ZNF248: variants seen among roughly 807,000 people sequenced by gnomAD.
The protein encoded by ZNF248 is KRAB protein domain.
Under a neutral mutation model 44.3 loss-of-function variants are expected in ZNF248, and 20 were observed. That is an observed-to-expected ratio of 0.45 (90% CI 0.32 to 0.66). The LOEUF is 0.66. Among genes scored for constraint, ZNF248 ranks in the 30% least tolerant of loss-of-function variants. The pLI, the probability that ZNF248 is intolerant of heterozygous loss-of-function variation, is 0.04. For missense variants in ZNF248, 654 were observed against 677.0 expected, an observed-to-expected ratio of 0.97 and a Z score of 0.38; for synonymous variants, 224 against 229.0, an observed-to-expected ratio of 0.98 and a Z score of 0.20.
intron 3 of ZNF248, among the ~76,000 whole-genome samples, chr10:37,854,073 A>C (rs563861582): frequency 6.6e-6 from 1 of 152,370 alleles, no homozygotes; most frequent in South Asian, 2.1e-4. Context: ...GTAGTAATTT[A>C]ATTAAGTTTC....
chr10:37,807,523 A>T (rs1341045737), intron 6 of ZNF248, among the ~76,000 whole-genome samples: 1 of 152,212 alleles, frequency 6.6e-6, no homozygotes, highest in Non-Finnish European at 1.5e-5. Flanking sequence ...AGTGCTATAT[A>T]GTATCTTAAC....
At position 37,856,475 on chromosome 10, in the gene ZNF248, G is replaced by A; in HGVS notation, c.-68C>T. The A allele has an allele frequency of 2.3e-6, 3 of 1,303,632 alleles. No homozygotes were observed. The highest frequency in any genetic ancestry group is 2.9e-6 in the Non-Finnish European group (3 of 1,022,116). The allele number at this position is 1,303,632 out of a possible 1,614,324, so 80.8% of individuals were successfully genotyped here. A position where few individuals can be genotyped will look rare whatever the true frequency, so the allele number is the denominator to read the frequency against. On this transcript the variant is annotated 5_prime_UTR_variant, in exon 2 of 6. Coordinates refer to ENST00000395867, the MANE Select transcript of ZNF248 (RefSeq NM_021045.3). ...TCCGATATATGCTGAGCTCAGACATGACACTTTTCACTGAGTGAATGTAAA... is the reference window on the plus strand; with the variant it reads ...TCCGATATATGCTGAGCTCAGACATAACACTTTTCACTGAGTGAATGTAAA...
chr10:37,783,059 T>C (rs2047498564), intron 6 of ZNF248, among the ~76,000 whole-genome samples: 1 of 152,124 alleles, frequency 6.6e-6, no homozygotes, highest in African/African-American at 2.4e-5. Flanking sequence ...ACTACCAGCA[T>C]TGACTGTGCT....
chr10:37,789,992 T>G (rs1010925391), intron 6 of ZNF248, among the ~76,000 whole-genome samples: 2 of 151,862 alleles, frequency 1.3e-5, no homozygotes, highest in African/African-American at 4.8e-5. Context: ...CCGGGCGCCA[T>G]GGCTCATGCC....
At chr10:37,781,730 A>G (rs1345051792) in intron 6 of ZNF248, among the ~76,000 whole-genome samples, 2 of 152,208 alleles carry the variant, frequency 1.3e-5, no homozygotes, top group African/African-American at 2.4e-5. Flanking sequence ...TAGTTTGTAC[A>G]TTGACCAGGC....
At position 37,829,108 on chromosome 10, in the gene ZNF248, C is replaced by G. The variant is rs2054925151; in HGVS notation, c.*2507G>C. ...ACCCTTCTCTGTGCCCACCTGGGCTCTCCAGCAGATGTATCTGGTTGGTTT... is the reference window on the plus strand; with the variant it reads ...ACCCTTCTCTGTGCCCACCTGGGCTGTCCAGCAGATGTATCTGGTTGGTTT... On this transcript the variant is annotated 3_prime_UTR_variant, in exon 6 of 6. Coordinates refer to ENST00000395867, the MANE Select transcript of ZNF248 (RefSeq NM_021045.3). 1.0e-6 allele frequency: 1 copy of G among 985,492 alleles called. No individual in the cohort carries two copies. The highest frequency in any genetic ancestry group is 1.2e-6 in the Non-Finnish European group (1 of 829,960). The allele number at this position is 985,492 out of a possible 1,614,324, so 61.0% of individuals were successfully genotyped here. A position where few individuals can be genotyped will look rare whatever the true frequency, so the allele number is the denominator to read the frequency against.
At chr10:37,772,615 C>T (rs139466796), downstream of ZNF248, among the ~76,000 whole-genome samples, 3 of 152,258 alleles carry the variant, frequency 2.0e-5, no homozygotes, top group East Asian at 3.9e-4. Context: ...AAAGATTTTG[C>T]TTTAAGGCAA....
chr10:37,849,483 G>T (rs968640643), intron 3 of ZNF248, among the ~76,000 whole-genome samples: 1 of 151,992 alleles, frequency 6.6e-6, no homozygotes, highest in Non-Finnish European at 1.5e-5. Context: ...AGGAGTTCAA[G>T]GCCAGCCTGG....
At chr10:37,843,285 C>T (rs995429058) in intron 3 of ZNF248, among the ~76,000 whole-genome samples, 2 of 151,874 alleles carry the variant, frequency 1.3e-5, no homozygotes, top group South Asian at 2.1e-4. Context: ...ATTAGCTGGG[C>T]GTGGTGGCGC....
At position 37,832,989 on chromosome 10, in the gene ZNF248, A is replaced by T. The variant is rs1218827537; in HGVS notation, c.366T>A (p.Thr122=). 4 of 1,613,804 alleles carry T rather than the reference A, an allele frequency of 2.5e-6. No homozygotes were observed. In the Admixed American group the frequency reaches 6.7e-5, roughly 27 times the overall value. Residue 122 remains threonine (T), a synonymous_variant, in exon 6 of 6, where the codon ACT becomes ACA. Transcript: ENST00000395867. The part of the protein sequence containing the change: ...SVENGDRGSK[T]FNLGTDPVSL... Reference sequence around the variant, plus strand: ...AAACAGGGTCTGTGCCCAAATTGAAAGTTTTGCTTCCTCTATCTCCATTTT... The same window carrying T: ...AAACAGGGTCTGTGCCCAAATTGAATGTTTTGCTTCCTCTATCTCCATTTT...
At chr10:37,800,912 C>A (rs947155203) in intron 6 of ZNF248, among the ~76,000 whole-genome samples, 20 of 152,062 alleles carry the variant, frequency 1.3e-4, no homozygotes, top group Middle Eastern at 3.4e-3. Context: ...CAGGCATCTG[C>A]CACTACACCC....
chr10:37,829,051 A>G lies in ZNF248; in HGVS notation c.*2564T>C. 1.0e-6 allele frequency: 1 copy of G among 985,456 alleles called. No individual in the cohort carries two copies. Among genetic ancestry groups the G allele is most frequent in the African/African-American group, 1.7e-5 (1 of 57,364 alleles). The allele number at this position is 985,456 out of a possible 1,614,324, so 61.0% of individuals were successfully genotyped here. On this transcript the variant is annotated 3_prime_UTR_variant, in exon 6 of 6. Transcript: ENST00000395867. ...AGAAATGAATAACACTGTGCTGCTT[A>G]TTCTCCATTTCTCTTCCCAGATTCT...
In ZNF248 at chr10:37,832,919, T is replaced by A. The variant is rs770158951; in HGVS notation, c.436A>T (p.Asn146Tyr). 4.3e-6 allele frequency: 7 copies of A among 1,613,092 alleles called. No individual in the cohort carries two copies. The Admixed American group carries it at 1.0e-4, about 23-fold the overall frequency. The change falls in exon 6 of 6, where the codon AAT (asparagine) becomes TAT (tyrosine). Residue 146 changes from asparagine to tyrosine, a missense_variant. By Grantham distance (143) the Asn-to-Tyr change is moderately radical. Transcript: ENST00000395867. ...PYKICDSCEM[N>Y]LKNISGLIIS... is the part of the protein sequence containing the mutation. ...ATTAAGCCCGAAATATTTTTCAAATTCATTTCACATGAGTCACATATTTTA... is the reference window on the plus strand; with the variant it reads ...ATTAAGCCCGAAATATTTTTCAAATACATTTCACATGAGTCACATATTTTA...
chr10:37,785,071 G>A (rs567348028), intron 6 of ZNF248, among the ~76,000 whole-genome samples: 2 of 152,242 alleles, frequency 1.3e-5, no homozygotes, highest in African/African-American at 4.8e-5. Context: ...GTGCCTTGGA[G>A]GAAGGCCAGT....
chr10:37,850,727 A>T (rs2060084666), intron 3 of ZNF248, among the ~76,000 whole-genome samples: 1 of 152,194 alleles, frequency 6.6e-6, no homozygotes, highest in South Asian at 2.1e-4. Context: ...ATTTTTAACA[A>T]ATGGTGCTGC....
chr10:37,812,164 G>C (rs574801267), intron 6 of ZNF248, among the ~76,000 whole-genome samples: 1 of 152,094 alleles, frequency 6.6e-6, no homozygotes, highest in South Asian at 2.1e-4. Context: ...TTGATCCCAG[G>C]AGGTCAAGTC....
downstream of ZNF248, among the ~76,000 whole-genome samples, chr10:37,773,867 A>C: frequency 6.6e-6 from 1 of 152,130 alleles, no homozygotes; most frequent in East Asian, 1.9e-4. Context: ...GCTTCAGAAA[A>C]GGAATTATGC....
intron 6 of ZNF248, chr10:37,803,397 T>TAC (rs2050080357): frequency 6.6e-6 from 1 of 152,228 alleles, no homozygotes; most frequent in Admixed American, 6.6e-5. Flanking sequence ...TGACGTGTCC[T>TAC]CTCCTGTGCT....
chr10:37,792,774 C>A (rs1027979403), intron 6 of ZNF248, among the ~76,000 whole-genome samples: 2 of 152,148 alleles, frequency 1.3e-5, no homozygotes, highest in African/African-American at 2.4e-5. Context: ...GACCAGTATT[C>A]TTCGTAAGTG....
Sources: gnomAD v4.1 joint callset for allele counts (sites outside exome capture counted in the v4.1 genomes callset) on GRCh38, gnomAD v4.1.1 for gene constraint, MANE v1.5 for transcripts, NCBI Gene and HGNC (gene_info 2026-07-23, HGNC 2026-07-21) for gene names.